Variants in ZDHHC14 observed in about 807,000 individuals in gnomAD.
ZDHHC14 encodes zDHHC palmitoyltransferase 14.
Under a neutral mutation model 47.7 loss-of-function variants are expected in ZDHHC14, and 16 were observed. The ratio of observed to expected loss-of-function variants is 0.34; its 90% CI spans 0.23 to 0.51. ZDHHC14 has a LOEUF of 0.51. Ranked by LOEUF, ZDHHC14 falls within the 20% of genes least tolerant of loss-of-function variation. ZDHHC14 has a pLI of 0.97. For missense variants in ZDHHC14, 515 were observed against 662.5 expected (o/e 0.78, Z 2.44); for synonymous variants, 293 against 278.9 (o/e 1.05, Z -0.50).
intron 1 of ZDHHC14, among the ~76,000 whole-genome samples, chr6:157,474,687 AC>A (rs71027340): frequency 0.24 from 36,219 of 152,040 alleles, 4,697 homozygotes; most frequent in East Asian, 0.43. Flanking sequence ...TCCTTCATAT[AC>A]CTGCTGGCCA....
intron 1 of ZDHHC14, among the ~76,000 whole-genome samples, chr6:157,468,468 G>A (rs1257052680): frequency 6.6e-6 from 1 of 152,178 alleles, no homozygotes; most frequent in Admixed American, 6.5e-5. Context: ...TACAGTGCCT[G>A]TCCAGTTAGA....
At chr6:157,605,671 C>T (rs902833783) in intron 3 of ZDHHC14, among the ~76,000 whole-genome samples, 46 of 152,128 alleles carry the variant, frequency 3.0e-4, no homozygotes, top group African/African-American at 9.9e-4. Context: ...GGCCTGAAAG[C>T]GGGCAAGCAG....
chr6:157,667,421 A>G (rs1245410942), intron 8 of ZDHHC14, among the ~76,000 whole-genome samples: 1 of 152,134 alleles, frequency 6.6e-6, no homozygotes, highest in Non-Finnish European at 1.5e-5. Flanking sequence ...CGGAGGGAAA[A>G]GGGTTCAAAG....
At chr6:157,612,335 G>A (rs554549361) in intron 3 of ZDHHC14, among the ~76,000 whole-genome samples, 7 of 152,278 alleles carry the variant, frequency 4.6e-5, no homozygotes, top group South Asian at 2.1e-4. Context: ...CAGAGTGACC[G>A]TTTCCAAACA....
intron 1 of ZDHHC14, among the ~76,000 whole-genome samples, chr6:157,407,291 A>G (rs976740978): frequency 2.6e-5 from 4 of 152,064 alleles, no homozygotes; most frequent in African/African-American, 9.7e-5. Context: ...GAAGGGAGTG[A>G]GTGGGACCCT....
At chr6:157,659,233 A>G (rs1014577974) in intron 8 of ZDHHC14, among the ~76,000 whole-genome samples, 1 of 152,270 alleles carries the variant, frequency 6.6e-6, no homozygotes, top group African/African-American at 2.4e-5. Flanking sequence ...GTGAAAGTCA[A>G]GAGGCACTTG....
chr6:157,575,452 C>T (rs1473335113), intron 2 of ZDHHC14, among the ~76,000 whole-genome samples: 1 of 152,130 alleles, frequency 6.6e-6, no homozygotes, highest in Non-Finnish European at 1.5e-5. Flanking sequence ...CTAGCCCCTG[C>T]CTTCCTCCTC....
At chr6:157,400,671 T>C (rs1777617380) in intron 1 of ZDHHC14, among the ~76,000 whole-genome samples, 1 of 152,214 alleles carries the variant, frequency 6.6e-6, no homozygotes, top group African/African-American at 2.4e-5. Flanking sequence ...GATGTCAGGA[T>C]GCCTCGTACT....
chr6:157,497,029 G>C (rs1780083193), intron 1 of ZDHHC14, among the ~76,000 whole-genome samples: 1 of 152,220 alleles, frequency 6.6e-6, no homozygotes, highest in Non-Finnish European at 1.5e-5. Context: ...TGAGTGGGTG[G>C]GTTAGGGAAG....
intron 2 of ZDHHC14, among the ~76,000 whole-genome samples, chr6:157,561,540 C>A (rs9331346): frequency 0.25 from 38,046 of 152,140 alleles, 4,946 homozygotes; most frequent in East Asian, 0.37. Context: ...CGCTCAGATA[C>A]ACATGGGGGA....
chr6:157,531,737 A>G (rs1177449238), intron 1 of ZDHHC14, among the ~76,000 whole-genome samples: 1 of 152,170 alleles, frequency 6.6e-6, no homozygotes, highest in Non-Finnish European at 1.5e-5. Flanking sequence ...TGAAGGCGTG[A>G]AGGAGACTCA....
chr6:157,457,980 G>A (rs980612186), intron 1 of ZDHHC14, among the ~76,000 whole-genome samples: 3 of 152,220 alleles, frequency 2.0e-5, no homozygotes, highest in Admixed American at 6.5e-5. Flanking sequence ...TAAAAGGCTC[G>A]TGAGCATATC....
At chr6:157,614,528 T>G (rs531682238) in intron 3 of ZDHHC14, among the ~76,000 whole-genome samples, 1 of 152,300 alleles carries the variant, frequency 6.6e-6, no homozygotes, top group Non-Finnish European at 1.5e-5. Flanking sequence ...AGGCCTTAAC[T>G]CCGAGGAAAT....
At chr6:157,626,893 G>T (rs868789319) in intron 3 of ZDHHC14, among the ~76,000 whole-genome samples, 1 of 149,718 alleles carries the variant, frequency 6.7e-6, no homozygotes, top group Admixed American at 6.6e-5. Flanking sequence ...TTCCAGCTGG[G>T]GGGGGGGCGG....
intron 1 of ZDHHC14, among the ~76,000 whole-genome samples, chr6:157,477,413 A>C (rs1037671529): frequency 6.6e-6 from 1 of 152,156 alleles, no homozygotes; most frequent in Non-Finnish European, 1.5e-5. Flanking sequence ...AAATAGGAAA[A>C]TAAGTTGTTG....
intron 3 of ZDHHC14, among the ~76,000 whole-genome samples, 171 bp downstream of exon 3, chr6:157,593,317 C>T (rs904753048): frequency 6.6e-6 from 1 of 152,122 alleles, no homozygotes; most frequent in African/African-American, 2.4e-5. Context: ...CTTTTTTATT[C>T]TCTTTACACC....
Position 157,441,112 on chromosome 6 carries a change from G to A in ZDHHC14, c.245+58846G>A, listed in dbSNP as rs548009976. On this transcript the variant is annotated intron_variant, in intron 1 of 8. Transcript: ENST00000359775. ...TTGTGGCTGTGATAGTTTTGTGTCC[G>A]TAAGTGAGCCACTAGTGAGAGTTGA... Among the ~76,000 whole-genome samples, 36 of 152,234 alleles carry A rather than the reference G, an allele frequency of 2.4e-4. 1 individual carries two copies. The South Asian group carries it at 4.1e-3, about 18-fold the overall frequency.
intron 1 of ZDHHC14, among the ~76,000 whole-genome samples, chr6:157,539,516 G>T (rs1011988103): frequency 6.6e-6 from 1 of 152,338 alleles, no homozygotes; most frequent in African/African-American, 2.4e-5. Flanking sequence ...GCAAAACAGC[G>T]TGGAAGGAAG....
At chr6:157,607,912 A>G (rs1784602832) in intron 3 of ZDHHC14, among the ~76,000 whole-genome samples, 1 of 152,238 alleles carries the variant, frequency 6.6e-6, no homozygotes, top group South Asian at 2.1e-4. Context: ...TTCTATTGAA[A>G]GTTGACAGAA....
Sources: allele counts gnomAD v4.1 joint callset (sites outside exome capture counted in the v4.1 genomes callset), GRCh38; gene constraint gnomAD v4.1.1; transcripts MANE v1.5; gene names NCBI Gene and HGNC (gene_info 2026-07-23, HGNC 2026-07-21).